RBFOX3: variants seen among roughly 807,000 people sequenced by gnomAD.
RBFOX3 encodes RNA binding fox-1 homolog 3, also known as RNA binding protein fox-1 homolog 3.
A neutral mutation model predicts 48.7 loss-of-function variants in RBFOX3; 17 were observed. The ratio of observed to expected loss-of-function variants is 0.35; its 90% CI spans 0.24 to 0.52. The LOEUF is 0.52. Among genes scored for constraint, RBFOX3 ranks in the 20% least tolerant of loss-of-function variants. RBFOX3 has a pLI of 0.94. For synonymous variants in RBFOX3, 212 were observed against 209.5 expected (o/e 1.01, Z -0.10); for missense variants, 382 against 497.5 (o/e 0.77, Z 2.21).
Position 79,340,674 on chromosome 17 carries a change from C to T in RBFOX3, c.-174-32850G>A, listed in dbSNP as rs150557720. 1.1e-3 allele frequency among the ~76,000 whole-genome samples: 168 copies of T among 151,840 alleles called. 2 individuals carry two copies. The East Asian group carries it at 0.013, about 11-fold the overall frequency. On this transcript the variant is annotated intron_variant, in intron 2 of 14. Transcript: ENST00000693108. ...GGTCTGGCACTCAGAAACCTGGAGA[C>T]GCAAGCACTTGCAGTTTTTCATGAC...
At chr17:79,533,169 T>C (rs2150101831) in intron 1 of RBFOX3, among the ~76,000 whole-genome samples, 1 of 152,352 alleles carries the variant, frequency 6.6e-6, no homozygotes, top group East Asian at 1.9e-4. Context: ...GGTGGGCAGC[T>C]GGGACTTGAA....
In RBFOX3 at chr17:79,103,630, C is replaced by T. The variant is rs1457199236; in HGVS notation, c.415-376G>A. 3.9e-5 allele frequency among the ~76,000 whole-genome samples: 6 copies of T among 152,102 alleles called. No homozygotes were observed. The highest frequency in any genetic ancestry group is 1.4e-4 in the African/African-American group (6 of 41,404). On this transcript the variant is annotated intron_variant, in intron 7 of 14. Coordinates refer to ENST00000693108, the MANE Select transcript of RBFOX3 (RefSeq NM_001350451.2). The surrounding 1 kb of genome is among the most constrained non-coding windows in gnomAD (Gnocchi z 6.1). ...AGGGGGCCCAGGCTGGGCTTCAGGA[C>T]CTGCAGGGGCAGCCCACCCATCTCC...
intron 2 of RBFOX3, among the ~76,000 whole-genome samples, chr17:79,453,204 G>T (rs1432136312): frequency 1.3e-5 from 2 of 152,258 alleles, no homozygotes; most frequent in Non-Finnish European, 2.9e-5. Flanking sequence ...AAGAGTGCGT[G>T]TTGGCTCTGC....
At chr17:79,658,785 A>G in the RBFOX3 span, among the ~76,000 whole-genome samples, 18 of 152,134 alleles carry the variant, frequency 1.2e-4, no homozygotes, top group African/African-American at 4.1e-4. Flanking sequence ...GCACGTGCTC[A>G]TTCATCGGCC....
At chr17:79,562,023 C>T (rs1267223539) in intron 1 of RBFOX3, among the ~76,000 whole-genome samples, 1 of 152,234 alleles carries the variant, frequency 6.6e-6, no homozygotes, top group African/African-American at 2.4e-5. Flanking sequence ...AAAATGCAAG[C>T]TGGCAGCCAC....
At chr17:79,488,455 G>C (rs2079989536) in intron 1 of RBFOX3, among the ~76,000 whole-genome samples, 1 of 152,178 alleles carries the variant, frequency 6.6e-6, no homozygotes, top group Non-Finnish European at 1.5e-5. Context: ...TGAATTCTGA[G>C]GCTGTTCGTC....
At chr17:79,620,404 C>A in the RBFOX3 span, among the ~76,000 whole-genome samples, 69 of 151,254 alleles carry the variant, frequency 4.6e-4, no homozygotes, top group African/African-American at 1.4e-3. Flanking sequence ...CCCACATGCA[C>A]ACACACGGAC....
intron 1 of RBFOX3, among the ~76,000 whole-genome samples, chr17:79,536,693 T>C (rs1359446855): frequency 6.6e-6 from 1 of 152,258 alleles, no homozygotes; most frequent in African/African-American, 2.4e-5. Flanking sequence ...CACTGTATCA[T>C]CCGTCCTCTA....
chr17:79,545,796 C>T lies in RBFOX3; in HGVS notation c.-319-63198G>A, dbSNP rs148236535. Among the ~76,000 whole-genome samples, 5 of 152,354 alleles carry T rather than the reference C, an allele frequency of 3.3e-5. No homozygotes were observed. In the East Asian group the frequency reaches 7.7e-4, roughly 23 times the overall value. On this transcript the variant is annotated intron_variant, in intron 1 of 14. Transcript: ENST00000693108. ...CTCCAGGTTCTCACAGCCACCAGGA[C>T]GGTTCCAGACATGCACACTCAGACA...
intron 3 of RBFOX3, among the ~76,000 whole-genome samples, chr17:79,286,580 G>A (rs2071942065): frequency 1.3e-5 from 2 of 152,222 alleles, no homozygotes; most frequent in South Asian, 2.1e-4. Context: ...CTCCTGATAT[G>A]TGACAGAGCT....
rs1285188301 is a variant in RBFOX3 at position 79,214,380 on chromosome 17, C to A, written c.-34+21386G>T. Among the ~76,000 whole-genome samples the A allele has an allele frequency of 6.6e-6, 1 of 152,132 alleles. No homozygotes were observed. Among genetic ancestry groups the A allele is most frequent in the Non-Finnish European group, 1.5e-5 (1 of 68,026 alleles). ...CTGTCTCCTCATTAATTAGACAAGC[C>A]CTCCCGCCCGCAGGTCCAGCAACCA... On this transcript the variant is annotated intron_variant, in intron 4 of 14. Transcript: ENST00000693108. This position sits in a 1 kb window ranked among gnomAD's most constrained non-coding sequence, Gnocchi z 4.7.
chr17:79,416,061 G>A (rs1387465746), intron 2 of RBFOX3, among the ~76,000 whole-genome samples: 1 of 152,194 alleles, frequency 6.6e-6, no homozygotes, highest in Non-Finnish European at 1.5e-5. Flanking sequence ...CCTCTCGCCT[G>A]CACTCCAGGG....
intron 2 of RBFOX3, among the ~76,000 whole-genome samples, chr17:79,356,367 T>TTTTTTAGGTTTTTG (rs1555684828): frequency 1.3e-5 from 1 of 76,998 alleles, no homozygotes; most frequent in African/African-American, 4.7e-5. Flanking sequence ...TTTTTTTTTT[T>TTTTTTAGGTTTTTG]TTTTTTTTTT....
At chr17:79,356,361 T>TTTTTTTTTTG (rs2085040510) in intron 2 of RBFOX3, among the ~76,000 whole-genome samples, 3 of 56,178 alleles carry the variant, frequency 5.3e-5, no homozygotes, top group South Asian at 8.3e-4. Context: ...TTTTTTTTTT[T>TTTTTTTTTTG]TTTTTTTTTT....
intron 3 of RBFOX3, among the ~76,000 whole-genome samples, chr17:79,282,628 C>G (rs1416260333): frequency 6.6e-6 from 1 of 152,216 alleles, no homozygotes; most frequent in Admixed American, 6.5e-5. Context: ...GCCGCTGACC[C>G]AGAAGGGGTC....
chr17:79,499,317 C>T (rs1555776294), intron 1 of RBFOX3, among the ~76,000 whole-genome samples: 1 of 151,994 alleles, frequency 6.6e-6, no homozygotes, highest in Admixed American at 6.6e-5. Flanking sequence ...CATTCATGCA[C>T]TCATCCATCC....
At chr17:79,360,089 G>A (rs2086016176) in intron 2 of RBFOX3, among the ~76,000 whole-genome samples, 1 of 151,930 alleles carries the variant, frequency 6.6e-6, no homozygotes, top group Non-Finnish European at 1.5e-5. Flanking sequence ...ATGACTGGGT[G>A]TTTGCCTTTT....
At chr17:79,300,751 TG>T (rs1167217751) in intron 3 of RBFOX3, among the ~76,000 whole-genome samples, 1 of 152,188 alleles carries the variant, frequency 6.6e-6, no homozygotes, top group African/African-American at 2.4e-5. Context: ...TTCGAGACTC[TG>T]GGGGACACCC....
chr17:79,453,899 C>T (rs1183910795), intron 2 of RBFOX3, among the ~76,000 whole-genome samples: 7 of 152,136 alleles, frequency 4.6e-5, no homozygotes, highest in Non-Finnish European at 8.8e-5. Flanking sequence ...ACTCCATGCC[C>T]AGGAGCTGAG....
Sources: allele counts gnomAD v4.1 joint callset (sites outside exome capture counted in the v4.1 genomes callset), GRCh38; gene constraint gnomAD v4.1.1; non-coding constraint Gnocchi (gnomAD v3.1); transcripts MANE v1.5; gene names NCBI Gene and HGNC (gene_info 2026-07-23, HGNC 2026-07-21).